Variants in OLA1 observed in about 807,000 individuals in gnomAD.
OLA1 encodes Obg like ATPase 1.
OLA1 carries 14 observed loss-of-function variants against 48.4 expected under a neutral mutation model. That is an observed-to-expected ratio of 0.29 (90% CI 0.19 to 0.45). The LOEUF is 0.45. OLA1 is among the 20% of genes least tolerant of loss of function. The probability of loss-of-function intolerance (pLI) is 1.00; values close to 1 mark genes in which losing one functional copy is unlikely to be tolerated. For missense variants in OLA1, 325 were observed against 467.1 expected (o/e 0.70, Z 2.80); for synonymous variants, 127 against 150.4 (o/e 0.84, Z 1.14).
chr2:174,246,739 C>G lies in OLA1; in HGVS notation c.77G>C (p.Gly26Ala). Residue 26 changes from glycine (G) to alanine (A), a missense_variant, in exon 2 of 11, where the codon GGT (glycine) becomes GCT (alanine). Coordinates refer to ENST00000284719, the MANE Select transcript of OLA1 (RefSeq NM_013341.5). ...IGRFGTSLKI[G>A]IVGLPNVGKS... The stretch of plus-strand genomic sequence containing the variant: ...CCCAACATTTGGCAATCCAACAATA[C>G]CAATTTTCAGTGAGGTTCCAAATCT... The G allele has an allele frequency of 6.2e-7, 1 of 1,611,144 alleles. No individual in the cohort carries two copies.
chr2:174,094,539 CT>C (rs1263111031), intron 7 of OLA1, among the ~76,000 whole-genome samples: 1 of 152,176 alleles, frequency 6.6e-6, no homozygotes, highest in Admixed American at 6.5e-5. Context: ...GACTATATAA[CT>C]ACAGTACTCA....
chr2:174,113,545 C>A (rs769511736), intron 7 of OLA1, among the ~76,000 whole-genome samples: 1 of 151,674 alleles, frequency 6.6e-6, no homozygotes, highest in African/African-American at 2.4e-5. Context: ...AATAAAATTA[C>A]GAGACAAGGC....
At chr2:174,246,865 G>T in intron 1 of OLA1, 50 bp from the exon 2 acceptor site, 2 of 1,039,294 alleles carry the variant, frequency 1.9e-6, no homozygotes, top group South Asian at 1.3e-5. Flanking sequence ...TATCCACATG[G>T]ACCCAAAACA....
intron 2 of OLA1, among the ~76,000 whole-genome samples, chr2:174,234,043 T>C (rs1688793118): frequency 6.6e-6 from 1 of 152,196 alleles, no homozygotes; most frequent in South Asian, 2.1e-4. Flanking sequence ...TGAATGTGCC[T>C]GCCCCTCCTT....
intron 4 of OLA1, among the ~76,000 whole-genome samples, chr2:174,213,826 AG>A (rs1185205401): frequency 6.6e-6 from 1 of 152,164 alleles, no homozygotes; most frequent in Non-Finnish European, 1.5e-5. Flanking sequence ...TTTTTTAAAA[AG>A]GGTATTCATT....
chr2:174,128,373 C>T (rs896203328), intron 5 of OLA1, among the ~76,000 whole-genome samples: 7 of 151,746 alleles, frequency 4.6e-5, no homozygotes, highest in African/African-American at 9.7e-5. Context: ...GCACTCCAGC[C>T]TGGGTGACAG....
intron 2 of OLA1, among the ~76,000 whole-genome samples, chr2:174,241,780 C>T (rs573478112): frequency 2.0e-5 from 3 of 152,158 alleles, no homozygotes; most frequent in Admixed American, 1.3e-4. Context: ...GGATTAGAGG[C>T]GTGCGCCACC....
chr2:174,141,724 A>C, intron 5 of OLA1, 101 bp downstream of exon 5: 1 of 945,612 alleles, frequency 1.1e-6, no homozygotes. Flanking sequence ...GGCTTCTAAA[A>C]TTCCATAACA....
At chr2:174,081,778 A>T in intron 8 of OLA1, 146 bp downstream of exon 8, 1 of 754,396 alleles carries the variant, frequency 1.3e-6, no homozygotes, top group Non-Finnish European at 2.1e-6. Context: ...AAATCTTTTC[A>T]CTCTGTCTCA....
intron 4 of OLA1, among the ~76,000 whole-genome samples, chr2:174,148,563 T>G (rs1455922649): frequency 6.6e-6 from 1 of 152,146 alleles, no homozygotes; most frequent in Non-Finnish European, 1.5e-5. Context: ...ATCACAGAGA[T>G]TTCTTACCCA....
At position 174,214,061 on chromosome 2, in the gene OLA1, A is replaced by G. The variant is rs187748215; in HGVS notation, c.373+8972T>C. ...AAAACAATAAAGCAAGGCCAGGCGCAGTACCTCACGCCTGTAATCCCAGCA... is the reference window on the plus strand; with the variant it reads ...AAAACAATAAAGCAAGGCCAGGCGCGGTACCTCACGCCTGTAATCCCAGCA... On this transcript the variant is annotated intron_variant, in intron 4 of 10. Transcript: ENST00000284719. Among the ~76,000 whole-genome samples the G allele has an allele frequency of 2.0e-3, 304 of 151,504 alleles. 3 individuals are homozygous for G. The highest frequency in any genetic ancestry group is 7.0e-3 in the African/African-American group (290 of 41,402).
At chr2:174,106,624 G>A (rs1685519122) in intron 7 of OLA1, among the ~76,000 whole-genome samples, 1 of 152,100 alleles carries the variant, frequency 6.6e-6, no homozygotes, top group African/African-American at 2.4e-5. Flanking sequence ...AAGTTCAGCC[G>A]TTTGTGAAGA....
intron 7 of OLA1, among the ~76,000 whole-genome samples, chr2:174,110,354 G>A (rs1033665238): frequency 1.7e-5 from 2 of 119,502 alleles, no homozygotes; most frequent in African/African-American, 6.5e-5. Context: ...TTTTCAACAT[G>A]TTGCCCAGGC....
chr2:174,182,424 G>T lies in OLA1; in HGVS notation c.374-40424C>A, dbSNP rs1017615748. ...GCCTGTAATTCCACTTACTCAGGAG[G>T]CTGAGGCAGAAGAATCGCTTGAACC... On this transcript the variant is annotated intron_variant, in intron 4 of 10. Transcript: ENST00000284719. 1.3e-3 allele frequency among the ~76,000 whole-genome samples: 203 copies of T among 152,148 alleles called. 15 individuals are homozygous for T. The highest frequency in any genetic ancestry group is 1.0e-4 in the Non-Finnish European group (7 of 68,018).
chr2:174,167,845 TACTG>T (rs879834356), intron 4 of OLA1, among the ~76,000 whole-genome samples: 8 of 152,230 alleles, frequency 5.3e-5, no homozygotes, highest in Non-Finnish European at 1.2e-4. Context: ...TAAGAAGTAC[TACTG>T]ACTTATTACG....
chr2:174,140,898 T>C (rs185665889), intron 5 of OLA1, among the ~76,000 whole-genome samples: 3 of 152,236 alleles, frequency 2.0e-5, no homozygotes, highest in East Asian at 3.9e-4. Context: ...TACTTTCTCT[T>C]ACTAGTTTCA....
chr2:174,109,506 T>C (rs999637046), intron 7 of OLA1, among the ~76,000 whole-genome samples: 2 of 152,240 alleles, frequency 1.3e-5, no homozygotes, highest in African/African-American at 4.8e-5. Context: ...TTTAACAATG[T>C]ATTCCAGTAA....
intron 4 of OLA1, among the ~76,000 whole-genome samples, chr2:174,177,681 T>C (rs1445935351): frequency 6.6e-6 from 1 of 152,132 alleles, no homozygotes; most frequent in Non-Finnish European, 1.5e-5. Flanking sequence ...CAATGGACTT[T>C]TGACAAAGTC....
chr2:174,247,383 T>A (rs1689150366), intron 1 of OLA1: 1 of 295,458 alleles, frequency 3.4e-6, no homozygotes, highest in East Asian at 6.3e-5. Context: ...AATAAATAAA[T>A]AAATAAATAA....
Sources: allele counts gnomAD v4.1 joint callset (sites outside exome capture counted in the v4.1 genomes callset), GRCh38; gene constraint gnomAD v4.1.1; transcripts MANE v1.5; gene names NCBI Gene and HGNC (gene_info 2026-07-23, HGNC 2026-07-21).